TNNI3K: variants seen among roughly 807,000 people sequenced by gnomAD.
TNNI3K encodes the protein TNNI3 interacting kinase, also known as serine/threonine-protein kinase TNNI3K.
A neutral mutation model predicts 114.5 loss-of-function variants in TNNI3K; 140 were observed. The observed-to-expected ratio is 1.22, with a 90% CI of 1.07 to 1.41. The LOEUF (loss-of-function observed/expected upper bound fraction) is 1.41, where lower values mean the gene tolerates loss of function less well. TNNI3K is among the 40% of genes most tolerant of loss of function. The probability of loss-of-function intolerance (pLI) is 0.00; values close to 1 mark genes in which losing one functional copy is unlikely to be tolerated. For missense variants in TNNI3K, 1,125 were observed against 1,007.6 expected (o/e 1.12, Z -1.58); for synonymous variants, 347 against 347.5 (o/e 1.00, Z 0.02).
chr1:74,458,203 T>C (rs190275433), intron 20 of TNNI3K, among the ~76,000 whole-genome samples: 38 of 152,246 alleles, frequency 2.5e-4, no homozygotes, highest in Admixed American at 1.0e-3. Flanking sequence ...AGACATTTGC[T>C]CAATGTCACA....
intron 23 of TNNI3K, among the ~76,000 whole-genome samples, chr1:74,500,350 TTTA>T (rs1364682630): frequency 3.3e-5 from 5 of 151,926 alleles, no homozygotes; most frequent in Admixed American, 6.6e-5. Context: ...TTAAAAATTA[TTTA>T]AGCCTTGGGA....
chr1:74,541,179 A>T (rs1646722700), intron 24 of TNNI3K, among the ~76,000 whole-genome samples: 1 of 152,204 alleles, frequency 6.6e-6, no homozygotes, highest in African/African-American at 2.4e-5. Flanking sequence ...AATTAGATGA[A>T]GTGAGCCTGG....
intron 23 of TNNI3K, among the ~76,000 whole-genome samples, chr1:74,502,984 T>C (rs1669711137): frequency 6.6e-6 from 1 of 152,238 alleles, no homozygotes; most frequent in Non-Finnish European, 1.5e-5. Flanking sequence ...AAGTGACACT[T>C]GTGGACTAGC....
At position 74,375,579 on chromosome 1, in the gene TNNI3K, G is replaced by A. The variant is rs1382515404; in HGVS notation, c.1772+5187G>A. The A allele has an allele frequency of 6.6e-6, 3 of 455,384 alleles. No individual in the cohort carries two copies. The East Asian group carries it at 2.1e-4, about 32-fold the overall frequency. The allele number at this position is 455,384 out of a possible 1,614,324, so 28.2% of individuals were successfully genotyped here. On this transcript the variant is annotated intron_variant, in intron 17 of 24. Transcript: ENST00000326637. ...ATATTTTGCAGATGCTGTACAGGAT[G>A]GCTCAGCTGCTACCACCCAGACTGA...
intron 23 of TNNI3K, among the ~76,000 whole-genome samples, chr1:74,521,033 T>A (rs1312385247): frequency 6.6e-6 from 1 of 152,146 alleles, no homozygotes; most frequent in African/African-American, 2.4e-5. Flanking sequence ...CTGCTCTGGT[T>A]GCCCTGACTG....
At chr1:74,373,129 A>G (rs1336278386) in intron 17 of TNNI3K, 1 of 151,876 alleles carries the variant, frequency 6.6e-6, no homozygotes, top group Non-Finnish European at 1.5e-5. Flanking sequence ...TTTCCCTCAG[A>G]GAGCTTACTG....
chr1:74,248,976 T>C (rs1478554647), intron 2 of TNNI3K, among the ~76,000 whole-genome samples: 1 of 152,174 alleles, frequency 6.6e-6, no homozygotes, highest in East Asian at 1.9e-4. Context: ...AAGGTCTTTC[T>C]TGGCCCCTAT....
chr1:74,269,821 A>G (rs503904), intron 4 of TNNI3K, among the ~76,000 whole-genome samples: 25,087 of 151,782 alleles, frequency 0.17, 2,179 homozygotes, highest in South Asian at 0.26. Context: ...AGATTGTATA[A>G]TAATTACCAA....
intron 5 of TNNI3K, among the ~76,000 whole-genome samples, chr1:74,316,855 AAT>A (rs1491558640): frequency 2.9e-4 from 3 of 10,378 alleles, no homozygotes; most frequent in East Asian, 1.9e-3. Context: ...ACGCCCAGCT[AAT>A]TTTTTTTTTT....
rs1662456557 is a variant in TNNI3K at position 74,369,214 on chromosome 1, T to G, written c.1422T>G (p.Phe474Leu). 2 of 1,610,210 alleles carry G rather than the reference T, an allele frequency of 1.2e-6. No individual in the cohort carries two copies. Residue 474 changes from phenylalanine to leucine, a missense_variant, in exon 15 of 25, where the codon TTT becomes TTG. Physicochemically the swap from Phe to Leu is conservative, Grantham distance 22. Transcript: ENST00000326637. ...EFHEIIGSGS[F>L]GKVYKGRCRN... is the part of the protein sequence containing the mutation. ...TATTTTAAACAATTGTAGGTTCTTT[T>G]GGGAAAGTATATAAAGGACGATGCA...
chr1:74,505,875 T>C (rs1200423927), intron 23 of TNNI3K, among the ~76,000 whole-genome samples: 1 of 152,238 alleles, frequency 6.6e-6, no homozygotes, highest in Non-Finnish European at 1.5e-5. Flanking sequence ...CATTTTTTAT[T>C]AATGTGCAGA....
intron 5 of TNNI3K, among the ~76,000 whole-genome samples, chr1:74,285,670 G>T (rs999993593): frequency 6.6e-6 from 1 of 152,072 alleles, no homozygotes; most frequent in Non-Finnish European, 1.5e-5. Context: ...CCAATATTGT[G>T]ATTTTTGCAT....
chr1:74,324,485 C>T (rs754725256), intron 5 of TNNI3K, among the ~76,000 whole-genome samples: 9 of 152,154 alleles, frequency 5.9e-5, no homozygotes, highest in African/African-American at 9.7e-5. Flanking sequence ...CTTTCTGCGG[C>T]GGGAAGGAAT....
intron 6 of TNNI3K, among the ~76,000 whole-genome samples, chr1:74,333,717 T>C (rs1315097055): frequency 6.6e-6 from 1 of 152,222 alleles, no homozygotes. Flanking sequence ...TAATGTGCCA[T>C]GTTCCTTGTC....
chr1:74,438,370 C>A (rs1343506477), intron 19 of TNNI3K, among the ~76,000 whole-genome samples: 2 of 151,856 alleles, frequency 1.3e-5, no homozygotes, highest in Admixed American at 6.6e-5. Context: ...TGCATGGTTT[C>A]AAAATAAGGT....
rs774139230 is a variant in TNNI3K at position 74,367,233 on chromosome 1, G to A, written c.1178-23G>A. ...ACTTAAACAAAATTTAGGACTCTTT[G>A]TTCTTTGTATCTTTTCATAAAGGGC... is the stretch of plus-strand genomic sequence containing the variant. On this transcript the variant is annotated intron_variant, in intron 11 of 24. Coordinates refer to ENST00000326637, the MANE Select transcript of TNNI3K (RefSeq NM_015978.3). The A allele has an allele frequency of 2.5e-6, 4 of 1,607,412 alleles. No individual in the cohort carries two copies. The African/African-American group carries it at 5.4e-5, about 22-fold the overall frequency.
intron 9 of TNNI3K, among the ~76,000 whole-genome samples, chr1:74,352,699 T>C (rs1206668591): frequency 1.3e-5 from 2 of 152,158 alleles, no homozygotes; most frequent in Non-Finnish European, 2.9e-5. Flanking sequence ...CGCTGCCACC[T>C]TGTAGTTTGA....
At chr1:74,276,657 C>A (rs1330076459) in intron 5 of TNNI3K, among the ~76,000 whole-genome samples, 16 of 152,074 alleles carry the variant, frequency 1.1e-4, no homozygotes, top group Admixed American at 1.0e-3. Flanking sequence ...TAGTCACTAT[C>A]TTTTATTGCC....
At chr1:74,431,199 T>G (rs1347457144) in intron 17 of TNNI3K, among the ~76,000 whole-genome samples, 1 of 152,106 alleles carries the variant, frequency 6.6e-6, no homozygotes, top group Non-Finnish European at 1.5e-5. Flanking sequence ...AAAGTTAAAG[T>G]ATTATAATTT....
Sources: gnomAD v4.1 joint callset for allele counts (sites outside exome capture counted in the v4.1 genomes callset) on GRCh38, gnomAD v4.1.1 for gene constraint, MANE v1.5 for transcripts, NCBI Gene and HGNC (gene_info 2026-07-23, HGNC 2026-07-21) for gene names.